Variants in CSRP1 observed in about 807,000 individuals in gnomAD.
The protein encoded by CSRP1 is cysteine and glycine-rich protein 1.
In CSRP1, 16 loss-of-function variants were observed where a neutral mutation model predicts 25.4. The ratio of observed to expected loss-of-function variants is 0.63; its 90% CI spans 0.43 to 0.96. The LOEUF (loss-of-function observed/expected upper bound fraction) is 0.96, where lower values mean the gene tolerates loss of function less well. Ranked by LOEUF, CSRP1 falls within the 40% of genes least tolerant of loss-of-function variation. CSRP1 has a pLI of 0.00. For missense variants in CSRP1, 212 were observed against 243.6 expected, an observed-to-expected ratio of 0.87 and a Z score of 0.86; for synonymous variants, 97 against 95.3, an observed-to-expected ratio of 1.02 and a Z score of -0.10.
intron 1 of CSRP1, among the ~76,000 whole-genome samples, chr1:201,506,198 C>T (rs1664818321): frequency 6.6e-6 from 1 of 152,080 alleles, no homozygotes; most frequent in Non-Finnish European, 1.5e-5. Flanking sequence ...TGGATTTCCT[C>T]GGTGCCACTG....
chr1:201,506,789 T>C (rs1664840250), intron 1 of CSRP1: 1 of 152,262 alleles, frequency 6.6e-6, no homozygotes, highest in Admixed American at 6.5e-5. Flanking sequence ...CCGATTGTTC[T>C]GCCCGACTTG....
At chr1:201,489,141 A>G (rs1664247210) in intron 3 of CSRP1, 157 bp from the exon 4 acceptor site, 23 of 815,178 alleles carry the variant, frequency 2.8e-5, no homozygotes, top group Non-Finnish European at 3.9e-5. Context: ...GTCATCTCCC[A>G]TTTTACAGAT....
At chr1:201,490,462 C>T (rs1018299431) in intron 2 of CSRP1, 118 bp from the exon 3 acceptor site, 9 of 1,023,072 alleles carry the variant, frequency 8.8e-6, no homozygotes, top group Admixed American at 6.9e-5. Context: ...ATATCCTGAT[C>T]TTTCAGGAAC....
intron 1 of CSRP1, among the ~76,000 whole-genome samples, chr1:201,506,212 T>C (rs1239689135): frequency 6.6e-6 from 1 of 152,042 alleles, no homozygotes; most frequent in African/African-American, 2.4e-5. Flanking sequence ...GCCACTGTGA[T>C]AGTATCCCAG....
chr1:201,486,156 G>T, intron 4 of CSRP1: 1 of 166,202 alleles, frequency 6.0e-6, no homozygotes, highest in Non-Finnish European at 1.2e-5. Context: ...CTTCTCTGTG[G>T]CCAGGCATCA....
At chr1:201,485,586 T>C (rs796901653) in intron 4 of CSRP1, 53 of 570,618 alleles carry the variant, frequency 9.3e-5, no homozygotes, top group African/African-American at 9.0e-4. Flanking sequence ...CCATCTTCCA[T>C]GCTATGTTGC....
chr1:201,506,224 G>A (rs1664818866), intron 1 of CSRP1, among the ~76,000 whole-genome samples: 1 of 152,140 alleles, frequency 6.6e-6, no homozygotes, highest in African/African-American at 2.4e-5. Context: ...GTATCCCAGC[G>A]TGGGGAGAGC....
At chr1:201,494,664 C>T (rs573086014) in intron 2 of CSRP1, among the ~76,000 whole-genome samples, 11 of 152,302 alleles carry the variant, frequency 7.2e-5, no homozygotes, top group Non-Finnish European at 1.5e-4. Flanking sequence ...TGGCTCTTGG[C>T]CCATCTGTAT....
At chr1:201,496,980 A>C (rs769777181) in intron 1 of CSRP1, among the ~76,000 whole-genome samples, 1 of 152,190 alleles carries the variant, frequency 6.6e-6, no homozygotes, top group Non-Finnish European at 1.5e-5. Context: ...TGAACTGTAC[A>C]TGTAGGTTTT....
At chr1:201,498,508 A>G (rs368008365) in intron 1 of CSRP1, among the ~76,000 whole-genome samples, 2 of 152,362 alleles carry the variant, frequency 1.3e-5, no homozygotes, top group South Asian at 2.1e-4. Context: ...GGATGTGGCA[A>G]CGAGAGCCCA....
intron 2 of CSRP1, among the ~76,000 whole-genome samples, chr1:201,494,570 G>A (rs989515647): frequency 1.3e-5 from 2 of 152,256 alleles, no homozygotes; most frequent in South Asian, 2.1e-4. Flanking sequence ...TGAGCAGGAT[G>A]TGGGGCCCCT....
At position 201,486,235 on chromosome 1, in the gene CSRP1, T is replaced by G. The variant is rs1033403329; in HGVS notation, c.412-859A>C. On this transcript the variant is annotated intron_variant, in intron 4 of 5. Transcript: ENST00000340006. ...GCAAACAGCTGTCCCAGAAAAAAAG[T>G]GAGGCCCGAGTTTGTACACAGTGAT... 5.2e-6 allele frequency: 3 copies of G among 575,630 alleles called. No individual in the cohort carries two copies. In the African/African-American group the frequency reaches 6.1e-5, roughly 12 times the overall value. The allele number at this position is 575,630 out of a possible 1,614,324, so 35.7% of individuals were successfully genotyped here.
chr1:201,503,805 T>C (rs1285257836), intron 1 of CSRP1, among the ~76,000 whole-genome samples: 1 of 152,180 alleles, frequency 6.6e-6, no homozygotes, highest in Non-Finnish European at 1.5e-5. Context: ...CAAGTTTTGC[T>C]AGCTCTCTCT....
At chr1:201,494,063 C>A (rs993492106) in intron 2 of CSRP1, among the ~76,000 whole-genome samples, 1 of 152,056 alleles carries the variant, frequency 6.6e-6, no homozygotes, top group African/African-American at 2.4e-5. Flanking sequence ...CTGCTTCCTG[C>A]GGCTGCTCAT....
At position 201,490,225 on chromosome 1, in the gene CSRP1, C is replaced by A. The variant is rs11550380; in HGVS notation, c.232G>T (p.Gly78Cys). 3.1e-6 allele frequency: 5 copies of A among 1,614,064 alleles called. No homozygotes were observed. Among genetic ancestry groups the A allele is most frequent in the Non-Finnish European group, 4.2e-6 (5 of 1,180,044 alleles). ...PKGYGYGQGAGTLSTDKGESL... is the reference protein window; with the variant it reads ...PKGYGYGQGACTLSTDKGESL... Reference sequence around the variant, plus strand: ...TCCCCCTTGTCAGTGCTGAGGGTGCCTGCGCCCTGCCCGTAGCCATAGCCT... The same window carrying A: ...TCCCCCTTGTCAGTGCTGAGGGTGCATGCGCCCTGCCCGTAGCCATAGCCT... Residue 78 changes from glycine (G) to cysteine (C), a missense_variant, in exon 3 of 6, where the codon GGC becomes TGC. Gly to Cys is a radical substitution (Grantham distance 159). Coordinates refer to ENST00000340006, the MANE Select transcript of CSRP1 (RefSeq NM_004078.3).
intron 2 of CSRP1, among the ~76,000 whole-genome samples, chr1:201,493,688 T>C (rs1436524040): frequency 6.6e-6 from 1 of 152,144 alleles, no homozygotes; most frequent in African/African-American, 2.4e-5. Flanking sequence ...ACCCACATGG[T>C]CACAACTGCT....
At chr1:201,500,977 T>C (rs1445934672) in intron 1 of CSRP1, among the ~76,000 whole-genome samples, 5 of 152,306 alleles carry the variant, frequency 3.3e-5, no homozygotes, top group African/African-American at 1.2e-4. Flanking sequence ...GGTCAATGGT[T>C]AGGAAAACAA....
At chr1:201,501,059 T>C (rs1168837357) in intron 1 of CSRP1, among the ~76,000 whole-genome samples, 1 of 152,234 alleles carries the variant, frequency 6.6e-6, no homozygotes, top group Non-Finnish European at 1.5e-5. Context: ...CTTTCCTTTC[T>C]GAGTGTCAAT....
chr1:201,490,455 T>C, intron 2 of CSRP1, 111 bp from the exon 3 acceptor site: 2 of 1,106,990 alleles, frequency 1.8e-6, no homozygotes, highest in Non-Finnish European at 2.6e-6. Flanking sequence ...ATACATAATA[T>C]CCTGATCTTT....
Sources: gnomAD v4.1 joint callset for allele counts (sites outside exome capture counted in the v4.1 genomes callset) on GRCh38, gnomAD v4.1.1 for gene constraint, MANE v1.5 for transcripts, NCBI Gene and HGNC (gene_info 2026-07-23, HGNC 2026-07-21) for gene names.